BIRC2: variants seen among roughly 807,000 people sequenced by gnomAD.
BIRC2 encodes baculoviral IAP repeat containing 2.
A neutral mutation model predicts 60.9 loss-of-function variants in BIRC2; 18 were observed. The ratio of observed to expected loss-of-function variants is 0.30; its 90% CI spans 0.20 to 0.44. The LOEUF (loss-of-function observed/expected upper bound fraction) is 0.44, where lower values mean the gene tolerates loss of function less well. Among genes scored for constraint, BIRC2 ranks in the 20% least tolerant of loss-of-function variants. The pLI is 1.00. For missense variants in BIRC2, 701 were observed against 728.5 expected, an observed-to-expected ratio of 0.96 and a Z score of 0.43; for synonymous variants, 282 against 247.7, an observed-to-expected ratio of 1.14 and a Z score of -1.30.
At chr11:102,374,163 C>G (rs1951670752) in intron 6 of BIRC2, among the ~76,000 whole-genome samples, 1 of 151,102 alleles carries the variant, frequency 6.6e-6, no homozygotes, top group African/African-American at 2.4e-5. Flanking sequence ...CTTCTTCTCT[C>G]AGCTCATCAA....
intron 3 of BIRC2, among the ~76,000 whole-genome samples, chr11:102,354,432 C>T (rs1951397673): frequency 6.6e-6 from 1 of 152,208 alleles, no homozygotes. Context: ...TGGTCTCAGA[C>T]TCCTGATCTC....
chr11:102,366,731 C>G (rs113310159), intron 5 of BIRC2, among the ~76,000 whole-genome samples: 1 of 152,252 alleles, frequency 6.6e-6, no homozygotes, highest in East Asian at 1.9e-4. Context: ...AACAAGTCTT[C>G]CTGATTCTGG....
intron 1 of BIRC2, 149 bp downstream of exon 1, chr11:102,347,525 C>G (rs1475198779): frequency 6.6e-6 from 1 of 152,266 alleles, no homozygotes; most frequent in African/African-American, 2.4e-5. Context: ...CGGGGGCTCT[C>G]TGCTTTCTAC....
At chr11:102,372,822 C>T (rs1398571665) in intron 6 of BIRC2, among the ~76,000 whole-genome samples, 1 of 110,540 alleles carries the variant, frequency 9.0e-6, no homozygotes, top group Non-Finnish European at 1.8e-5. Context: ...GTAGGTCACT[C>T]AGGACTTGCT....
At chr11:102,364,139 T>TTTTA (rs1243245141) in intron 5 of BIRC2, among the ~76,000 whole-genome samples, 6 of 61,418 alleles carry the variant, frequency 9.8e-5, no homozygotes, top group Non-Finnish European at 1.4e-4. Flanking sequence ...CTAATAAATA[T>TTTTA]TATATATATA....
intron 3 of BIRC2, among the ~76,000 whole-genome samples, chr11:102,353,047 TTTAAAA>T (rs1347848177): frequency 6.6e-6 from 1 of 152,182 alleles, no homozygotes; most frequent in African/African-American, 2.4e-5. Flanking sequence ...ATTAATTATG[TTTAAAA>T]TTAAAAAGCA....
intron 2 of BIRC2, 37 bp from the exon 3 acceptor site, chr11:102,350,807 T>G (rs1951350488): frequency 6.2e-7 from 1 of 1,610,520 alleles, no homozygotes; most frequent in African/African-American, 1.3e-5. Context: ...TATTAGAACA[T>G]ACGTGTTTTC....
intron 7 of BIRC2, 47 bp downstream of exon 7, chr11:102,377,797 G>C (rs552779004): frequency 1.3e-6 from 2 of 1,595,100 alleles, no homozygotes; most frequent in Admixed American, 1.9e-5. Flanking sequence ...GGACTGGCCA[G>C]ATGCGGTGGC....
Position 102,368,288 on chromosome 11 carries a change from A to G in BIRC2, c.1124-18A>G, listed in dbSNP as rs376963929. The G allele has an allele frequency of 5.6e-6, 9 of 1,604,652 alleles. No homozygotes were observed. Among genetic ancestry groups the G allele is most frequent in the Non-Finnish European group, 7.7e-6 (9 of 1,175,204 alleles). ...TATGTTTGTGGAATTTAATATTAGC[A>G]TGTTTCTTTTCAAATAGTTATTCAT... On this transcript the variant is annotated intron_variant, in intron 5 of 8. Coordinates refer to ENST00000227758, the MANE Select transcript of BIRC2 (RefSeq NM_001166.5).
intron 3 of BIRC2, among the ~76,000 whole-genome samples, chr11:102,352,228 C>G (rs1951372031): frequency 6.6e-6 from 1 of 151,924 alleles, no homozygotes; most frequent in East Asian, 1.9e-4. Context: ...ATTCTCCTGC[C>G]TCAGCCTCCC....
intron 3 of BIRC2, among the ~76,000 whole-genome samples, chr11:102,362,259 T>A (rs917622044): frequency 6.6e-6 from 1 of 152,198 alleles, no homozygotes; most frequent in Non-Finnish European, 1.5e-5. Flanking sequence ...GTTCCTTTTT[T>A]TTAACATATG....
intron 3 of BIRC2, among the ~76,000 whole-genome samples, chr11:102,360,138 T>C (rs1469756871): frequency 6.6e-6 from 1 of 152,092 alleles, no homozygotes; most frequent in Admixed American, 6.5e-5. Flanking sequence ...AGCTAATTTT[T>C]GTATTTTTAG....
At chr11:102,368,167 T>C in intron 5 of BIRC2, 139 bp from the exon 6 acceptor site, 1 of 956,884 alleles carries the variant, frequency 1.0e-6, no homozygotes, top group Non-Finnish European at 1.6e-6. Context: ...TTTATTGGAG[T>C]TATAGGTAAT....
chr11:102,364,174 T>TATATATATATAC (rs1389968594), intron 5 of BIRC2, among the ~76,000 whole-genome samples: 911 of 77,306 alleles, frequency 0.012, 14 homozygotes, highest in Admixed American at 0.016. Context: ...TATATATATA[T>TATATATATATAC]ACACACACAC....
chr11:102,363,108 A>C, intron 4 of BIRC2, 134 bp downstream of exon 4: 1 of 581,512 alleles, frequency 1.7e-6, no homozygotes, highest in Non-Finnish European at 3.0e-6. Flanking sequence ...TTTTGTACCA[A>C]CCTATATTAG....
At chr11:102,347,557 T>G (rs565492539) in intron 1 of BIRC2, 181 bp downstream of exon 1, 2 of 152,290 alleles carry the variant, frequency 1.3e-5, no homozygotes, top group Non-Finnish European at 2.9e-5. Flanking sequence ...TTTTATTGGA[T>G]TCGGAAGCCC....
At chr11:102,351,250 T>G (rs1489344163) in intron 3 of BIRC2, among the ~76,000 whole-genome samples, 1 of 151,882 alleles carries the variant, frequency 6.6e-6, no homozygotes, top group Non-Finnish European at 1.5e-5. Context: ...TAGAAAAAGG[T>G]AAGAACAGGA....
Position 102,377,714 on chromosome 11 carries a change from A to G in BIRC2, c.1585A>G (p.Lys529Glu). The change falls in exon 7 of 9, where the codon AAA (lysine) becomes GAA (glutamate). Residue 529 changes from lysine to glutamate, a missense_variant. Lys to Glu is a moderately conservative substitution (Grantham distance 56). This residue lies in a region of BIRC2 where 235 missense variants were observed against 208.9 expected (regional missense o/e 1.12). Coordinates refer to ENST00000227758, the MANE Select transcript of BIRC2 (RefSeq NM_001166.5). ...AAANIFKNCL[K>E]EIDSTLYKNL... ...GGCCAACATCTTCAAAAACTGTCTA[A>G]AAGAAATTGACTCTACATTGTATAA... 2 of 1,607,170 alleles carry G rather than the reference A, an allele frequency of 1.2e-6. No homozygotes were observed. Among genetic ancestry groups the G allele is most frequent in the Non-Finnish European group, 8.5e-7 (1 of 1,178,526 alleles).
chr11:102,374,406 G>A (rs1487252444), intron 6 of BIRC2, among the ~76,000 whole-genome samples: 2 of 148,456 alleles, frequency 1.3e-5, no homozygotes, highest in South Asian at 4.4e-4. Flanking sequence ...CTCAGCTGCA[G>A]GTCTGTTGGA....
Sources: gnomAD v4.1 joint callset for allele counts (sites outside exome capture counted in the v4.1 genomes callset) on GRCh38, gnomAD v4.1.1 for gene constraint, gnomAD v4.1.1 regional missense constraint, MANE v1.5 for transcripts, NCBI Gene and HGNC (gene_info 2026-07-23, HGNC 2026-07-21) for gene names.